The following NFATC2 variants were observed in gnomAD, a reference collection of about 807,000 sequenced individuals.
NFATC2 encodes nuclear factor of activated T cells 2.
NFATC2 carries 22 observed loss-of-function variants against 87.3 expected under a neutral mutation model. That is an observed-to-expected ratio of 0.25 (90% CI 0.18 to 0.36). The LOEUF is 0.36. Among genes scored for constraint, NFATC2 ranks in the 10% least tolerant of loss-of-function variants. NFATC2 has a pLI of 1.00. For missense variants in NFATC2, 1,149 were observed against 1,259.1 expected (o/e 0.91, Z 1.32); for synonymous variants, 565 against 542.2 (o/e 1.04, Z -0.58).
chr20:51,527,863 G>C (rs1018560244), intron 1 of NFATC2, among the ~76,000 whole-genome samples: 4 of 152,070 alleles, frequency 2.6e-5, no homozygotes, highest in African/African-American at 9.7e-5. Flanking sequence ...CCGTTTGGGA[G>C]ACAGAGGTAG....
intron 1 of NFATC2, among the ~76,000 whole-genome samples, chr20:51,555,441 A>T (rs1033894725): frequency 1.3e-5 from 2 of 151,970 alleles, no homozygotes; most frequent in African/African-American, 4.8e-5. Context: ...AAAATACAAA[A>T]AATTAGCTGG....
chr20:51,468,317 A>G (rs1987879494), intron 5 of NFATC2, among the ~76,000 whole-genome samples: 2 of 78,010 alleles, frequency 2.6e-5, no homozygotes, highest in Admixed American at 2.6e-4. Flanking sequence ...TTATACCTCC[A>G]TAAAAATATA....
chr20:51,540,658 G>GTTT (rs397864888), intron 1 of NFATC2, among the ~76,000 whole-genome samples: 2 of 110,054 alleles, frequency 1.8e-5, no homozygotes, highest in African/African-American at 7.4e-5. Flanking sequence ...TTTTTTTTTT[G>GTTT]TTTTTTTTTT....
chr20:51,407,716 C>T (rs1318240173), intron 9 of NFATC2, among the ~76,000 whole-genome samples: 4 of 152,212 alleles, frequency 2.6e-5, no homozygotes, highest in Admixed American at 1.3e-4. Context: ...CACCCAGCCG[C>T]GTGCCTGGCA....
chr20:51,420,114 A>G (rs960356635), intron 9 of NFATC2, among the ~76,000 whole-genome samples: 13 of 152,294 alleles, frequency 8.5e-5, no homozygotes, highest in African/African-American at 2.9e-4. Context: ...AAATAAAGGG[A>G]AAGAATCAAG....
At position 51,432,148 on chromosome 20, in the gene NFATC2, C is replaced by G; in HGVS notation, c.2641G>C (p.Val881Leu). The G allele has an allele frequency of 1.3e-6, 2 of 1,598,612 alleles. No homozygotes were observed. Among genetic ancestry groups the G allele is most frequent in the Non-Finnish European group, 1.7e-6 (2 of 1,170,028 alleles). ...GGTAATACTTCCTTTTGGTCACTGA[C>G]CGGGGGTCCGTTTTTGGCGGCTCTT... ...SQRAAKNGPPVSDQKEVLPAG... is the reference protein window; with the variant it reads ...SQRAAKNGPPLSDQKEVLPAG... The change falls in exon 9 of 11, where the codon GTC (valine) becomes CTC (leucine). Residue 881 changes from valine (V) to leucine (L), a missense_variant. Val to Leu is a conservative substitution (Grantham distance 32). Coordinates refer to ENST00000371564, the MANE Select transcript of NFATC2 (RefSeq NM_012340.5). This position sits in a 1 kb window ranked among gnomAD's most constrained non-coding sequence, Gnocchi z 4.6.
chr20:51,474,913 T>C (rs1255284469), intron 4 of NFATC2, among the ~76,000 whole-genome samples: 3 of 152,052 alleles, frequency 2.0e-5, no homozygotes, highest in African/African-American at 7.2e-5. Flanking sequence ...ATAACACAAA[T>C]ATTCACGAGT....
chr20:51,467,961 A>C (rs1250913170), intron 5 of NFATC2, among the ~76,000 whole-genome samples: 1 of 152,228 alleles, frequency 6.6e-6, no homozygotes, highest in Admixed American at 6.5e-5. Flanking sequence ...CATGCAATTG[A>C]ATAGTAGTGC....
intron 10 of NFATC2, among the ~76,000 whole-genome samples, chr20:51,396,064 ATATATATATATATATATATATATATATAT>A (rs1987067251): frequency 5.9e-5 from 1 of 17,048 alleles, no homozygotes; most frequent in African/African-American, 5.0e-4. Flanking sequence ...ATATATATAT[ATATATATATATATATATATATATATATAT>A]AAGCTAATGG....
chr20:51,557,800 C>G (rs976315611), intron 1 of NFATC2, among the ~76,000 whole-genome samples: 2 of 152,184 alleles, frequency 1.3e-5, no homozygotes, highest in African/African-American at 4.8e-5. Context: ...AATTACTGAA[C>G]ACCTACTAAG....
At chr20:51,403,681 A>G (rs1988283632) in intron 9 of NFATC2, among the ~76,000 whole-genome samples, 2 of 152,310 alleles carry the variant, frequency 1.3e-5, no homozygotes, top group South Asian at 4.1e-4. Context: ...ACCAGAGGTC[A>G]GTCTCATTGT....
At chr20:51,543,818 G>A (rs1011578427), upstream of NFATC2, among the ~76,000 whole-genome samples, 3 of 152,014 alleles carry the variant, frequency 2.0e-5, no homozygotes, top group Non-Finnish European at 4.4e-5. Flanking sequence ...CTGCCAGGGG[G>A]CTCCACCAAC....
rs185225917 is a variant in NFATC2 at position 51,561,770 on chromosome 20, T to C, written c.70+790A>G. ...TCTGAAAAACACAACGCTTTGCCCA[T>C]TTCCACTTTTAAAGACCGATTCGTT... On this transcript the variant is annotated intron_variant, in intron 1 of 10. Coordinates refer to the NFATC2 transcript ENST00000414705. Among the ~76,000 whole-genome samples, 805 of 152,228 alleles carry C rather than the reference T, an allele frequency of 5.3e-3. 8 individuals are homozygous for C. The highest frequency in any genetic ancestry group is 0.014 in the South Asian group (65 of 4,812).
intron 9 of NFATC2, among the ~76,000 whole-genome samples, chr20:51,399,769 C>G (rs749075506): frequency 1.3e-5 from 2 of 152,232 alleles, no homozygotes; most frequent in African/African-American, 4.8e-5. Flanking sequence ...AGCTCCCACA[C>G]TAAACTGCCC....
intron 3 of NFATC2, among the ~76,000 whole-genome samples, chr20:51,509,483 C>T (rs1221750585): frequency 6.6e-6 from 1 of 151,986 alleles, no homozygotes; most frequent in African/African-American, 2.4e-5. Context: ...TTTTGGAAGC[C>T]TGAGTGACCC....
chr20:51,497,790 G>C (rs1421211820), intron 3 of NFATC2, among the ~76,000 whole-genome samples: 1 of 152,088 alleles, frequency 6.6e-6, no homozygotes, highest in Non-Finnish European at 1.5e-5. Context: ...AAACAAGCCT[G>C]CTGCCTTGTT....
intron 2 of NFATC2, among the ~76,000 whole-genome samples, chr20:51,519,160 GAA>G (rs912096835): frequency 1.3e-5 from 2 of 152,106 alleles, no homozygotes; most frequent in African/African-American, 2.4e-5. Context: ...ATACACAAGT[GAA>G]AAGTTTTTAA....
chr20:51,435,896 CGT>C (rs1983494256), intron 6 of NFATC2, 135 bp from the exon 7 acceptor site: 3 of 699,780 alleles, frequency 4.3e-6, no homozygotes, highest in Non-Finnish European at 7.5e-6. Context: ...AATATGTGCA[CGT>C]GTGTGTACAT....
intron 4 of NFATC2, among the ~76,000 whole-genome samples, chr20:51,474,739 T>C (rs1465002793): frequency 1.3e-5 from 2 of 152,116 alleles, no homozygotes; most frequent in African/African-American, 4.8e-5. Flanking sequence ...TATTTTCCCA[T>C]CCAAAGGTTT....
Sources: allele counts gnomAD v4.1 joint callset (sites outside exome capture counted in the v4.1 genomes callset), GRCh38; gene constraint gnomAD v4.1.1; non-coding constraint Gnocchi (gnomAD v3.1); transcripts MANE v1.5; gene names NCBI Gene and HGNC (gene_info 2026-07-23, HGNC 2026-07-21).